The following DDX60 variants were observed in gnomAD, a reference collection of about 807,000 sequenced individuals.
The protein encoded by DDX60 is probable ATP-dependent RNA helicase DDX60.
In DDX60, 165 loss-of-function variants were observed where a neutral mutation model predicts 212.8. The ratio of observed to expected loss-of-function variants is 0.78; its 90% confidence interval spans 0.68 to 0.88. The LOEUF is 0.88. Among genes scored for constraint, DDX60 ranks in the 40% least tolerant of loss-of-function variants. The probability of loss-of-function intolerance (pLI) is 0.00; values close to 1 mark genes in which losing one functional copy is unlikely to be tolerated. For synonymous variants in DDX60, 703 were observed against 685.3 expected, an observed-to-expected ratio of 1.03 and a Z score of -0.40; for missense variants, 1,905 against 2,003.9, an observed-to-expected ratio of 0.95 and a Z score of 0.94.
chr4:168,217,133 G>T, intron 37 of DDX60, 101 bp from the exon 38 acceptor site: 1 of 692,942 alleles, frequency 1.4e-6, no homozygotes, highest in Non-Finnish European at 2.4e-6. Flanking sequence ...CCCATCAGAT[G>T]ATGAAATTAT....
intron 12 of DDX60, among the ~76,000 whole-genome samples, chr4:168,283,814 C>T (rs1028057340): frequency 6.7e-6 from 1 of 148,824 alleles, no homozygotes; most frequent in East Asian, 1.9e-4. Flanking sequence ...CTTTCATGGT[C>T]TACCTCCTAA....
In DDX60 at chr4:168,267,873, A is replaced by C. The variant is rs370654670; in HGVS notation, c.2897T>G (p.Leu966Trp). The C allele has an allele frequency of 1.1e-4, 179 of 1,613,118 alleles. 2 individuals carry two copies. The highest frequency in any genetic ancestry group is 8.3e-5 in the Admixed American group (5 of 59,960). ...AACTTTATACGATTGTTTTACTTGC[A>C]AGTAGTCTTTGGGAAAGCCGGCCTG... ...GRQAGFPKDY[L>W]QVKQSYKVRL... Residue 966 changes from leucine (L) to tryptophan (W), a missense_variant, in exon 21 of 38, where the codon TTG (leucine) becomes TGG (tryptophan). By Grantham distance (61) the Leu-to-Trp change is moderately conservative. Transcript: ENST00000393743.
rs774816737 is a variant in DDX60 at position 168,276,122 on chromosome 4, T to A, written c.2038A>T (p.Met680Leu). ...TGTAAAAGTTCTGAGTATTTTTCCA[T>A]CAAGGAGTGGATCCTTTTCATCACC... ...VQVMKRIHSL[M>L]EKYSELLQED... is the part of the protein sequence containing the mutation. The change falls in exon 15 of 38, where the codon ATG becomes TTG. Residue 680 changes from methionine to leucine, a missense_variant. Physicochemically the swap from Met to Leu is conservative, Grantham distance 15 (BLOSUM62 2). Coordinates refer to ENST00000393743, the MANE Select transcript of DDX60 (RefSeq NM_017631.6). 6.2e-7 allele frequency: 1 copy of A among 1,613,590 alleles called. No homozygotes were observed. The highest frequency in any genetic ancestry group is 2.2e-5 in the East Asian group (1 of 44,802).
intron 23 of DDX60, 134 bp downstream of exon 23, chr4:168,262,549 G>A: frequency 1.7e-6 from 1 of 602,812 alleles, no homozygotes; most frequent in Non-Finnish European, 2.9e-6. Context: ...TTAGAAATAT[G>A]AGAAGAGGCA....
At chr4:168,266,172 A>T (rs982832536) in intron 22 of DDX60, among the ~76,000 whole-genome samples, 1 of 152,214 alleles carries the variant, frequency 6.6e-6, no homozygotes, top group African/African-American at 2.4e-5. Context: ...GAGTTAGTTA[A>T]GTTCTCTATG....
intron 18 of DDX60, 104 bp from the exon 19 acceptor site, chr4:168,272,242 G>A: frequency 1.2e-6 from 1 of 833,246 alleles, no homozygotes; most frequent in Non-Finnish European, 1.9e-6. Context: ...GAATGTACCT[G>A]CTGATAATTG....
chr4:168,285,734 G>A (rs1735797502), intron 10 of DDX60, among the ~76,000 whole-genome samples: 1 of 151,476 alleles, frequency 6.6e-6, no homozygotes, highest in Non-Finnish European at 1.5e-5. Context: ...CATGGGGGAT[G>A]GGTGGGTGGA....
At chr4:168,221,987 C>T (rs1733068754) in intron 35 of DDX60, 106 bp from the exon 36 acceptor site, 1 of 1,198,810 alleles carries the variant, frequency 8.3e-7, no homozygotes, top group South Asian at 1.6e-5. Flanking sequence ...ATTTTTAAAG[C>T]CCACTCTTCA....
At chr4:168,270,832 T>G (rs1735058779) in intron 19 of DDX60, among the ~76,000 whole-genome samples, 1 of 151,918 alleles carries the variant, frequency 6.6e-6, no homozygotes, top group South Asian at 2.1e-4. Flanking sequence ...TATCATGTTT[T>G]AAATCTCTTT....
At chr4:168,244,069 C>T (rs998612489) in intron 30 of DDX60, among the ~76,000 whole-genome samples, 2 of 151,842 alleles carry the variant, frequency 1.3e-5, no homozygotes, top group Non-Finnish European at 2.9e-5. Flanking sequence ...ACACATGGAC[C>T]CAGGGAGGGG....
chr4:168,253,897 A>AT (rs1385414295), intron 26 of DDX60, among the ~76,000 whole-genome samples: 1 of 152,126 alleles, frequency 6.6e-6, no homozygotes, highest in Non-Finnish European at 1.5e-5. Context: ...CACTTATTTG[A>AT]TTTTTTAAAT....
At chr4:168,300,813 T>C (rs376825717) in intron 6 of DDX60, among the ~76,000 whole-genome samples, 16 of 152,290 alleles carry the variant, frequency 1.1e-4, no homozygotes, top group African/African-American at 3.6e-4. Context: ...AAACAGTATA[T>C]TAACATATTC....
At chr4:168,315,479 T>C (rs936892769) in intron 1 of DDX60, among the ~76,000 whole-genome samples, 1 of 152,214 alleles carries the variant, frequency 6.6e-6, no homozygotes, top group Non-Finnish European at 1.5e-5. Context: ...TACATAGATA[T>C]ACATGTGCCA....
At position 168,276,422 on chromosome 4, in the gene DDX60, T is replaced by C. The variant is rs145992640; in HGVS notation, c.1979-241A>G. On this transcript the variant is annotated intron_variant, in intron 14 of 37. Coordinates refer to ENST00000393743, the MANE Select transcript of DDX60 (RefSeq NM_017631.6). ...AAAAAATTGTAGTTCATAATAGAAA[T>C]AAGATCAAAAAAGCTCAAGTTTGTA... Among the ~76,000 whole-genome samples, 719 of 152,278 alleles carry C rather than the reference T, an allele frequency of 4.7e-3. 6 individuals carry two copies. The highest frequency in any genetic ancestry group is 6.6e-3 in the Non-Finnish European group (452 of 68,004).
chr4:168,300,326 G>T (rs1481388570), intron 6 of DDX60, among the ~76,000 whole-genome samples: 1 of 152,134 alleles, frequency 6.6e-6, no homozygotes, highest in Non-Finnish European at 1.5e-5. Context: ...CAGATCACGA[G>T]TTCAGTAGTT....
intron 37 of DDX60, among the ~76,000 whole-genome samples, chr4:168,217,531 T>C (rs1273924199): frequency 6.6e-6 from 1 of 152,186 alleles, no homozygotes; most frequent in Non-Finnish European, 1.5e-5. Flanking sequence ...ATATCATATA[T>C]TCCCCAGAAA....
chr4:168,268,033 C>T, intron 20 of DDX60, 50 bp from the exon 21 acceptor site: 1 of 1,491,844 alleles, frequency 6.7e-7, no homozygotes, highest in Non-Finnish European at 9.2e-7. Context: ...GAACTACTTC[C>T]TGTGAAATTA....
upstream of DDX60, among the ~76,000 whole-genome samples, chr4:168,323,776 C>A (rs1737649991): frequency 6.6e-6 from 1 of 152,080 alleles, no homozygotes; most frequent in Admixed American, 6.6e-5. Flanking sequence ...CCGAGAATGG[C>A]CCAAGATTAT....
At position 168,307,926 on chromosome 4, in the gene DDX60, A is replaced by C. The variant is rs866928826; in HGVS notation, c.264+80T>G. 21 of 806,900 alleles carry C rather than the reference A, an allele frequency of 2.6e-5. 1 individual carries two copies. In the South Asian group the frequency reaches 4.5e-4, roughly 17 times the overall value. The allele number at this position is 806,900 out of a possible 1,614,324, so 50.0% of individuals were successfully genotyped here. ...TATAGATATAATCTACTTTGTAATAAGAAAAATATATATATAATAATTTAG... is the reference window on the plus strand; with the variant it reads ...TATAGATATAATCTACTTTGTAATACGAAAAATATATATATAATAATTTAG... On this transcript the variant is annotated intron_variant, in intron 4 of 37. Transcript: ENST00000393743.
Sources: gnomAD v4.1 joint callset for allele counts (sites outside exome capture counted in the v4.1 genomes callset) on GRCh38, gnomAD v4.1.1 for gene constraint, MANE v1.5 for transcripts, NCBI Gene and HGNC (gene_info 2026-07-23, HGNC 2026-07-21) for gene names.